Variants in SYT14 observed in about 807,000 individuals in gnomAD.
The protein encoded by SYT14 is synaptotagmin 14, also known as synaptotagmin-14.
Under a neutral mutation model 74.2 loss-of-function variants are expected in SYT14, and 32 were observed. The observed-to-expected ratio is 0.43, with a 90% confidence interval of 0.33 to 0.58. SYT14 has a LOEUF of 0.58. SYT14 is among the 20% of genes least tolerant of loss of function. The probability of loss-of-function intolerance (pLI) is 0.05; values close to 1 mark genes in which losing one functional copy is unlikely to be tolerated. For synonymous variants in SYT14, 298 were observed against 337.7 expected (o/e 0.88, Z 1.29); for missense variants, 791 against 981.8 (o/e 0.81, Z 2.60).
At chr1:209,992,812 A>AT in intron 2 of SYT14, among the ~76,000 whole-genome samples, 1 of 152,228 alleles carries the variant, frequency 6.6e-6, no homozygotes, top group East Asian at 1.9e-4. Context: ...AACCACCTTA[A>AT]TTTGGGCAGA....
chr1:210,013,634 A>C lies in SYT14; in HGVS notation c.-484A>C, dbSNP rs774475851. ...AGCTGTGACTTTTTTTTTCTCTAGT[A>C]TCTCCAGAGGCAGTTGGATTTTTGT... On this transcript the variant is annotated splice_region_variant and 5_prime_UTR_variant, in exon 3 of 10. Transcript: ENST00000637265. 1.6e-5 allele frequency: 26 copies of C among 1,611,800 alleles called. 1 individual carries two copies. Among genetic ancestry groups the C allele is most frequent in the South Asian group, 1.1e-4 (10 of 90,418 alleles).
intron 2 of SYT14, among the ~76,000 whole-genome samples, chr1:210,004,726 C>T (rs1368587289): frequency 1.3e-5 from 2 of 151,964 alleles, no homozygotes; most frequent in Admixed American, 6.6e-5. Context: ...TCCAAAACTG[C>T]GATGCTTGTT....
intron 2 of SYT14, among the ~76,000 whole-genome samples, chr1:209,994,237 T>A (rs2079746217): frequency 6.6e-6 from 1 of 152,144 alleles, no homozygotes; most frequent in Non-Finnish European, 1.5e-5. Context: ...AAACACAATC[T>A]AAGGAATCCA....
intron 7 of SYT14, among the ~76,000 whole-genome samples, chr1:210,135,634 A>G (rs946166681): frequency 1.3e-5 from 2 of 151,624 alleles, no homozygotes; most frequent in Non-Finnish European, 2.9e-5. Context: ...TCTTCTTTTC[A>G]TGCTTGATAA....
At chr1:210,010,841 A>C (rs1040007111) in intron 2 of SYT14, among the ~76,000 whole-genome samples, 2 of 152,224 alleles carry the variant, frequency 1.3e-5, no homozygotes, top group Non-Finnish European at 2.9e-5. Flanking sequence ...TCCACTTACT[A>C]TCTGAACACA....
At chr1:209,998,504 G>A (rs148685666) in intron 2 of SYT14, among the ~76,000 whole-genome samples, 89 of 151,900 alleles carry the variant, frequency 5.9e-4, no homozygotes, top group African/African-American at 2.0e-3. Context: ...AAACAGTCCC[G>A]AGCAAAAAGA....
exon 1 of SYT14, chr1:209,938,237 A>T: frequency 4.5e-6 from 7 of 1,540,482 alleles, no homozygotes; most frequent in Non-Finnish European, 6.1e-6. Context: ...CCCGCCATCC[A>T]GTTGGTGCGG....
At chr1:210,100,075 A>G in exon 7 of SYT14, 1 of 1,614,126 alleles carries the variant, frequency 6.2e-7, no homozygotes, top group Non-Finnish European at 8.5e-7. Flanking sequence ...GCCAGAAGCT[A>G]AATATGGCAC....
At chr1:210,102,401 G>A (rs965084190) in intron 7 of SYT14, among the ~76,000 whole-genome samples, 6 of 151,768 alleles carry the variant, frequency 4.0e-5, no homozygotes, top group African/African-American at 1.5e-4. Context: ...GTTCTTTTTT[G>A]TCACTTTCCT....
At chr1:210,160,879 T>C (rs1482094096) in exon 10 of SYT14, 1 of 1,614,062 alleles carries the variant, frequency 6.2e-7, no homozygotes, top group African/African-American at 1.3e-5. Context: ...GTGACACTCA[T>C]ACTGTCTGTG....
chr1:210,009,088 C>G (rs1048799727), intron 2 of SYT14, among the ~76,000 whole-genome samples: 52 of 152,300 alleles, frequency 3.4e-4, no homozygotes, highest in African/African-American at 1.2e-3. Context: ...GGGCTGCATT[C>G]AAAGCCATCC....
At chr1:209,963,301 A>G (rs1173246463) in intron 2 of SYT14, among the ~76,000 whole-genome samples, 1 of 152,164 alleles carries the variant, frequency 6.6e-6, no homozygotes, top group Non-Finnish European at 1.5e-5. Context: ...CATACCATCC[A>G]CTATAGTTTC....
At chr1:209,999,695 A>C (rs1355057536) in intron 2 of SYT14, among the ~76,000 whole-genome samples, 1 of 152,188 alleles carries the variant, frequency 6.6e-6, no homozygotes, top group Non-Finnish European at 1.5e-5. Flanking sequence ...GTGGGAGCTA[A>C]AAAAGTGGAT....
chr1:209,984,133 T>C (rs1352556085), intron 2 of SYT14, among the ~76,000 whole-genome samples: 3 of 152,230 alleles, frequency 2.0e-5, no homozygotes, highest in Non-Finnish European at 4.4e-5. Flanking sequence ...ACATCTGTTC[T>C]TCAGGGAAAT....
chr1:210,103,458 G>A (rs2082106222), intron 7 of SYT14, among the ~76,000 whole-genome samples: 1 of 149,082 alleles, frequency 6.7e-6, no homozygotes, highest in Admixed American at 6.9e-5. Context: ...GCTGAGACAG[G>A]AGAATGGTGT....
At chr1:209,971,256 T>G (rs1413282430) in intron 2 of SYT14, among the ~76,000 whole-genome samples, 1 of 152,186 alleles carries the variant, frequency 6.6e-6, no homozygotes, top group African/African-American at 2.4e-5. Context: ...TTTACTGAAG[T>G]CGTTTATCAG....
At chr1:210,129,972 A>G (rs1414742988) in intron 7 of SYT14, among the ~76,000 whole-genome samples, 6 of 152,192 alleles carry the variant, frequency 3.9e-5, no homozygotes, top group African/African-American at 1.2e-4. Context: ...CACAGAATCT[A>G]TCTTACTTTC....
rs74759357 is a variant in SYT14, at chr1:210,074,419, C to T, written c.1313-19903C>T. Reference sequence around the variant, plus strand: ...ATACCAAAACCCACATTCTTAGCTCCTGTTAAGTACTGTATAGACCATAAA... The same window carrying T: ...ATACCAAAACCCACATTCTTAGCTCTTGTTAAGTACTGTATAGACCATAAA... On this transcript the variant is annotated intron_variant, in intron 5 of 9. Coordinates refer to ENST00000637265, the Ensembl canonical transcript of SYT14. 5.2e-3 allele frequency among the ~76,000 whole-genome samples: 798 copies of T among 152,242 alleles called. 11 individuals are homozygous for T. The highest frequency in any genetic ancestry group is 0.019 in the African/African-American group (774 of 41,524).
chr1:210,106,736 G>A (rs1293747482), intron 7 of SYT14, among the ~76,000 whole-genome samples: 6 of 152,132 alleles, frequency 3.9e-5, no homozygotes, highest in Admixed American at 1.3e-4. Flanking sequence ...ACAATCCAAG[G>A]TGAGACTTGG....
Sources: gnomAD v4.1 joint callset for allele counts (sites outside exome capture counted in the v4.1 genomes callset) on GRCh38, gnomAD v4.1.1 for gene constraint, MANE v1.5 for transcripts, NCBI Gene and HGNC (gene_info 2026-07-23, HGNC 2026-07-21) for gene names.